Variants in PEAK1 observed in about 807,000 individuals in gnomAD.
PEAK1 encodes inactive tyrosine-protein kinase PEAK1.
PEAK1 carries 54 observed loss-of-function variants against 124.7 expected under a neutral mutation model. The observed-to-expected ratio is 0.43, with a 90% CI of 0.35 to 0.54. The LOEUF (loss-of-function observed/expected upper bound fraction) is 0.54, where lower values mean the gene tolerates loss of function less well. PEAK1 is among the 20% of genes least tolerant of loss of function. The pLI is 0.01. For synonymous variants in PEAK1, 719 were observed against 760.0 expected (o/e 0.95, Z 0.89); for missense variants, 2,046 against 2,134.5 (o/e 0.96, Z 0.82).
chr15:77,231,716 A>T (rs1412042093), intron 6 of PEAK1, among the ~76,000 whole-genome samples: 1 of 152,188 alleles, frequency 6.6e-6, no homozygotes, highest in Non-Finnish European at 1.5e-5. Flanking sequence ...TGAGTAATTA[A>T]TTGCATATGA....
exon 7 of PEAK1, chr15:77,103,132 TG>T (rs1349512622): frequency 1.3e-5 from 2 of 152,160 alleles, no homozygotes; most frequent in African/African-American, 4.8e-5. Context: ...AGAAATACTT[TG>T]TCCATGATTT....
intron 5 of PEAK1, among the ~76,000 whole-genome samples, chr15:77,260,589 T>A (rs954314216): frequency 6.6e-6 from 1 of 152,088 alleles, no homozygotes; most frequent in African/African-American, 2.4e-5. Context: ...AAATAACTTC[T>A]AGAGATAAAA....
At chr15:77,343,287 G>C (rs2066653965) in intron 2 of PEAK1, among the ~76,000 whole-genome samples, 1 of 152,044 alleles carries the variant, frequency 6.6e-6, no homozygotes. Context: ...AAATGCCTTT[G>C]ATCATTTTTT....
chr15:77,350,375 A>G (rs1597395341), intron 2 of PEAK1: 1 of 985,422 alleles, frequency 1.0e-6, no homozygotes, highest in Non-Finnish European at 1.2e-6. Context: ...TCAGTTCACA[A>G]GACTTCATTT....
At chr15:77,141,610 A>C (rs1312186373) in intron 8 of PEAK1, among the ~76,000 whole-genome samples, 1 of 152,216 alleles carries the variant, frequency 6.6e-6, no homozygotes, top group Non-Finnish European at 1.5e-5. Context: ...GAAAAGTTAC[A>C]CTTTCCAACT....
At chr15:77,318,992 A>G (rs1320547801) in intron 2 of PEAK1, among the ~76,000 whole-genome samples, 2 of 152,200 alleles carry the variant, frequency 1.3e-5, no homozygotes, top group Admixed American at 6.6e-5. Context: ...TGCTAATTCA[A>G]AAGTAAAGCT....
At chr15:77,352,930 T>G (rs1343107772) in intron 2 of PEAK1, 2 of 985,272 alleles carry the variant, frequency 2.0e-6, no homozygotes, top group African/African-American at 3.5e-5. Flanking sequence ...AATGAGCTAA[T>G]GTATTGTACT....
chr15:77,185,848 C>T (rs1024097160), intron 6 of PEAK1, among the ~76,000 whole-genome samples: 2 of 152,118 alleles, frequency 1.3e-5, no homozygotes, highest in African/African-American at 4.8e-5. Flanking sequence ...AATCACAATA[C>T]TTAGAATGTT....
chr15:77,172,764 G>C (rs955240593), intron 7 of PEAK1, among the ~76,000 whole-genome samples: 4 of 152,046 alleles, frequency 2.6e-5, no homozygotes, highest in African/African-American at 9.7e-5. Flanking sequence ...TCATCACCAA[G>C]GGAATTCTTA....
chr15:77,125,482 GTGTGTGTGTGTGTGTA>G (rs750236526), intron 9 of PEAK1, among the ~76,000 whole-genome samples: 1 of 151,138 alleles, frequency 6.6e-6, no homozygotes, highest in Non-Finnish European at 1.5e-5. Flanking sequence ...TCAGCACTGT[GTGTGTGTGTGTGTGTA>G]TGTGTGTGTG....
At chr15:77,186,419 C>G (rs2057549785) in intron 6 of PEAK1, among the ~76,000 whole-genome samples, 1 of 152,180 alleles carries the variant, frequency 6.6e-6, no homozygotes, top group South Asian at 2.1e-4. Flanking sequence ...ACAGCTATCA[C>G]TTATCAACAG....
intron 2 of PEAK1, chr15:77,333,038 T>A: frequency 1.0e-6 from 1 of 963,192 alleles, no homozygotes; most frequent in Non-Finnish European, 1.2e-6. Context: ...ACATTAAAGG[T>A]GTTAAATTTT....
At chr15:77,404,192 A>G in intron 1 of PEAK1, 2 of 985,452 alleles carry the variant, frequency 2.0e-6, no homozygotes, top group South Asian at 4.7e-5. Flanking sequence ...AAGGTTTAAC[A>G]TCTTGTGAGA....
intron 1 of PEAK1, chr15:77,403,854 ATATT>A (rs1447666652): frequency 3.0e-6 from 3 of 984,780 alleles, no homozygotes; most frequent in African/African-American, 3.5e-5. Context: ...CCCATGCCAC[ATATT>A]TATTACAATG....
At chr15:77,259,113 C>A (rs1162798276) in intron 5 of PEAK1, among the ~76,000 whole-genome samples, 1 of 152,062 alleles carries the variant, frequency 6.6e-6, no homozygotes, top group African/African-American at 2.4e-5. Context: ...TAACTAAATG[C>A]CTACAAAGCC....
At position 77,133,603 on chromosome 15, in the gene PEAK1, A is replaced by T. The variant is rs1421353199; in HGVS notation, c.3479T>A (p.Ile1160Asn). 6.2e-7 allele frequency: 1 copy of T among 1,613,908 alleles called. No homozygotes were observed. Among genetic ancestry groups the T allele is most frequent in the African/African-American group, 1.3e-5 (1 of 74,854 alleles). The change falls in exon 9 of 10, where the codon ATC becomes AAC. Residue 1160 changes from isoleucine (I) to asparagine (N), a missense_variant. By Grantham distance (149) the Ile-to-Asn change is moderately radical (BLOSUM62 -3). Transcript: ENST00000682557. The surrounding 1 kb of genome is among the most constrained non-coding windows in gnomAD (Gnocchi z 4.2). ...GATTGGCTCTGTATTGGCTCTTATG[A>T]TCATCTTCTTTGGCAGTGGGGGTGG... ...PTPPPLPKKM[I>N]IRANTEPISK... is the part of the protein sequence containing the mutation.
intron 1 of PEAK1, among the ~76,000 whole-genome samples, chr15:77,414,227 T>TTC (rs2072685117): frequency 7.3e-6 from 1 of 137,424 alleles, no homozygotes; most frequent in African/African-American, 2.6e-5. Flanking sequence ...TTTTTTTTTT[T>TTC]GAGACAGGGT....
chr15:77,128,722 T>G (rs915176663), intron 9 of PEAK1, among the ~76,000 whole-genome samples: 1 of 152,212 alleles, frequency 6.6e-6, no homozygotes, highest in Non-Finnish European at 1.5e-5. Context: ...TGTTCACAGT[T>G]GTATTTTGTA....
chr15:77,158,729 A>G lies in PEAK1; in HGVS notation c.3138-33T>C, dbSNP rs529964273. 8 of 1,597,646 alleles carry G rather than the reference A, an allele frequency of 5.0e-6. No individual in the cohort carries two copies. The South Asian group carries it at 7.7e-5, about 15-fold the overall frequency. ...AAATCAGACCACTTGTCACACTGGT[A>G]TTGGAAGGTTCTACTAAAATTTAGA... On this transcript the variant is annotated intron_variant, in intron 7 of 9. Transcript: ENST00000682557.
Sources: gnomAD v4.1 joint callset for allele counts (sites outside exome capture counted in the v4.1 genomes callset) on GRCh38, gnomAD v4.1.1 for gene constraint, Gnocchi (gnomAD v3.1) non-coding constraint, MANE v1.5 for transcripts, NCBI Gene and HGNC (gene_info 2026-07-23, HGNC 2026-07-21) for gene names.